The following MROH9 variants were observed in gnomAD, a reference collection of about 807,000 sequenced individuals.
The protein encoded by MROH9 is maestro heat-like repeat-containing protein family member 9.
A neutral mutation model predicts 98.2 loss-of-function variants in MROH9; 92 were observed. The observed-to-expected ratio is 0.94, with a 90% CI of 0.79 to 1.11. MROH9 has a LOEUF of 1.11. MROH9 is among the 50% of genes most tolerant of loss of function. The pLI, the probability that MROH9 is intolerant of heterozygous loss-of-function variation, is 0.00. For missense variants in MROH9, 1,057 were observed against 1,014.8 expected, an observed-to-expected ratio of 1.04 and a Z score of -0.57; for synonymous variants, 397 against 368.9, an observed-to-expected ratio of 1.08 and a Z score of -0.87.
chr1:170,995,329 G>T, intron 12 of MROH9, 60 bp from the exon 13 acceptor site: 1 of 1,593,884 alleles, frequency 6.3e-7, no homozygotes, highest in Non-Finnish European at 8.6e-7. Context: ...CCCTCAGTAA[G>T]GTTGACCGGG....
rs1449171883 is a variant in MROH9 at position 170,971,868 on chromosome 1, G to A, written c.601G>A (p.Ala201Thr). 1 of 1,613,814 alleles carries A rather than the reference G, an allele frequency of 6.2e-7. No homozygotes were observed. Among genetic ancestry groups the A allele is most frequent in the East Asian group, 2.2e-5 (1 of 44,884 alleles). Residue 201 changes from alanine to threonine, a missense_variant, in exon 8 of 22, where the codon GCA becomes ACA. Ala to Thr is a moderately conservative substitution (Grantham distance 58). Transcript: ENST00000367759. ...SLGMCHLLYI[A>T]RCQNDIGTNK... is the part of the protein sequence containing the mutation. ...GGGAATGTGTCACCTCCTCTACATT[G>A]CACGGTGTCAGAACGGTAAGAACAG... is the stretch of plus-strand genomic sequence containing the variant.
At chr1:170,983,598 T>C in intron 9 of MROH9, 64 bp downstream of exon 9, 1 of 941,858 alleles carries the variant, frequency 1.1e-6, no homozygotes, top group Admixed American at 2.3e-5. Flanking sequence ...TTAGTAACAA[T>C]TTATTTCAAC....
chr1:171,064,257 C>G lies in MROH9; in HGVS notation c.2503C>G (p.Pro835Ala), dbSNP rs546065073. 48 of 1,551,420 alleles carry G rather than the reference C, an allele frequency of 3.1e-5. No individual in the cohort carries two copies. The highest frequency in any genetic ancestry group is 1.7e-4 in the Middle Eastern group (1 of 5,992). ...LKLFYIKKLK[P>A]LYNYNSPNGQ... Reference sequence around the variant, plus strand: ...ATTATTCTACATCAAAAAATTGAAGCCTCTTTACAATTATAACTCACCCAA... The same window carrying G: ...ATTATTCTACATCAAAAAATTGAAGGCTCTTTACAATTATAACTCACCCAA... The change falls in exon 22 of 22, where the codon CCT (proline) becomes GCT (alanine). Residue 835 changes from proline to alanine, a missense_variant. Physicochemically the swap from Pro to Ala is conservative, Grantham distance 27. Transcript: ENST00000367759.
intron 1 of MROH9, among the ~76,000 whole-genome samples, chr1:170,939,890 A>C (rs1336092739): frequency 6.6e-6 from 1 of 152,152 alleles, no homozygotes; most frequent in East Asian, 1.9e-4. Context: ...GGGGGCTTGC[A>C]CTTCAATTCA....
intron 7 of MROH9, among the ~76,000 whole-genome samples, chr1:170,970,352 T>C (rs377643343): frequency 1.1e-4 from 17 of 151,280 alleles, no homozygotes; most frequent in African/African-American, 4.1e-4. Flanking sequence ...CTCATGCCCA[T>C]ACACAATGAT....
At chr1:170,992,136 A>C in intron 11 of MROH9, 28 bp from the exon 12 acceptor site, 3 of 1,565,836 alleles carry the variant, frequency 1.9e-6, no homozygotes, top group South Asian at 2.4e-5. Flanking sequence ...CATGATTCTC[A>C]TTGTGTGGGG....
chr1:170,990,375 A>G (rs1337190251), intron 11 of MROH9, among the ~76,000 whole-genome samples: 1 of 152,198 alleles, frequency 6.6e-6, no homozygotes, highest in Non-Finnish European at 1.5e-5. Context: ...ATAAATTTGT[A>G]CATGTAGTGT....
intron 8 of MROH9, among the ~76,000 whole-genome samples, chr1:170,979,219 A>C (rs1388369520): frequency 1.3e-5 from 2 of 152,212 alleles, no homozygotes; most frequent in African/African-American, 2.4e-5. Flanking sequence ...CTGAAACCAA[A>C]CCTGTAGTAT....
At chr1:171,014,860 A>AC (rs561671607) in intron 16 of MROH9, 63 of 404,112 alleles carry the variant, frequency 1.6e-4, no homozygotes, top group Non-Finnish European at 2.5e-4. Flanking sequence ...GTGAGGCCCC[A>AC]CCCCCGTCCT....
chr1:170,941,639 C>A (rs928418718), intron 1 of MROH9, among the ~76,000 whole-genome samples: 2 of 152,122 alleles, frequency 1.3e-5, no homozygotes, highest in African/African-American at 4.8e-5. Flanking sequence ...TTTGCCCCTG[C>A]CACCCTGAAA....
intron 2 of MROH9, among the ~76,000 whole-genome samples, chr1:170,946,584 T>C (rs888118566): frequency 6.6e-6 from 1 of 152,028 alleles, no homozygotes; most frequent in Non-Finnish European, 1.5e-5. Context: ...AAGATGTTAG[T>C]TAACATTGGA....
At chr1:171,051,829 C>T (rs1162065958) in intron 20 of MROH9, among the ~76,000 whole-genome samples, 1 of 151,800 alleles carries the variant, frequency 6.6e-6, no homozygotes, top group Admixed American at 6.6e-5. Context: ...TGTTTTGTAC[C>T]CTTGCCATTC....
rs1002514139 is a variant in MROH9, at chr1:170,982,280, A to C, written c.617-1142A>C. ...TTATTCCAGTAAAAAAGAACAAACT[A>C]TTAATATGTACGAAAACATGGATGA... On this transcript the variant is annotated intron_variant, in intron 8 of 21. Coordinates refer to ENST00000367759, the MANE Select transcript of MROH9 (RefSeq NM_001163629.2). 9.8e-5 allele frequency among the ~76,000 whole-genome samples: 15 copies of C among 152,290 alleles called. No homozygotes were observed. The East Asian group carries it at 2.7e-3, about 27-fold the overall frequency.
intron 11 of MROH9, 48 bp from the exon 12 acceptor site, chr1:170,992,116 A>G (rs1332994044): frequency 3.9e-6 from 6 of 1,527,258 alleles, no homozygotes; most frequent in South Asian, 1.3e-5. Context: ...ATCAAGTAGG[A>G]CATGACAAAC....
At chr1:170,964,202 G>T (rs1309321555) in intron 6 of MROH9, among the ~76,000 whole-genome samples, 2 of 152,032 alleles carry the variant, frequency 1.3e-5, no homozygotes, top group Non-Finnish European at 2.9e-5. Flanking sequence ...AACGGAGAAA[G>T]GAGCAATAAT....
chr1:171,061,984 G>A (rs1390427581), intron 20 of MROH9, 148 bp from the exon 21 acceptor site: 2 of 603,486 alleles, frequency 3.3e-6, no homozygotes, highest in South Asian at 2.1e-5. Flanking sequence ...AATTTTATGA[G>A]ACAATAATTA....
chr1:171,044,211 A>G (rs186601062), intron 20 of MROH9, among the ~76,000 whole-genome samples: 77 of 152,286 alleles, frequency 5.1e-4, no homozygotes, highest in Admixed American at 1.1e-3. Flanking sequence ...TTCAGCATCA[A>G]TTGAAATGAT....
At position 170,989,888 on chromosome 1, in the gene MROH9, C is replaced by CAGGCAAT. The variant is rs1651285719; in HGVS notation, c.913_914insAGGCAAT (p.Leu305GlnfsTer5). The CAGGCAAT allele has an allele frequency of 2.5e-6, 4 of 1,608,612 alleles. No individual in the cohort carries two copies. The African/African-American group carries it at 5.4e-5, about 22-fold the overall frequency. ...GATCGTGGATGCTATTTACAGGCAA[C>CAGGCAAT]TGTGTGATAACAATTGTATGAAGGA... is the stretch of plus-strand genomic sequence containing the variant. On this transcript the variant is annotated frameshift_variant, in exon 11 of 22. Transcript: ENST00000367759. LOFTEE classifies it high-confidence loss of function.
chr1:170,962,252 A>G (rs1454774903), intron 6 of MROH9, among the ~76,000 whole-genome samples: 1 of 152,182 alleles, frequency 6.6e-6, no homozygotes, highest in Non-Finnish European at 1.5e-5. Context: ...TTGAAGTAGC[A>G]GAGAATAGTA....
Sources: allele counts gnomAD v4.1 joint callset (sites outside exome capture counted in the v4.1 genomes callset), GRCh38; gene constraint gnomAD v4.1.1; transcripts MANE v1.5; gene names NCBI Gene and HGNC (gene_info 2026-07-23, HGNC 2026-07-21).